RICTOR: variants seen among roughly 807,000 people sequenced by gnomAD.
RICTOR encodes the protein RPTOR independent companion of MTOR complex 2.
A neutral mutation model predicts 214.9 loss-of-function variants in RICTOR; 49 were observed. The ratio of observed to expected loss-of-function variants is 0.23; its 90% confidence interval spans 0.18 to 0.29. RICTOR has a LOEUF of 0.29. Ranked by LOEUF, RICTOR falls within the 10% of genes least tolerant of loss-of-function variation. The pLI, the probability that RICTOR is intolerant of heterozygous loss-of-function variation, is 1.00. For synonymous variants in RICTOR, 717 were observed against 711.3 expected (o/e 1.01, Z -0.13); for missense variants, 1,625 against 2,047.0 (o/e 0.79, Z 3.98).
At chr5:39,050,406 G>A (rs572720814) in intron 2 of RICTOR, among the ~76,000 whole-genome samples, 7 of 151,660 alleles carry the variant, frequency 4.6e-5, no homozygotes, top group Admixed American at 4.6e-4. Context: ...GCACAATCTC[G>A]GCTCACTGTA....
At chr5:38,998,752 C>T (rs569916017) in intron 5 of RICTOR, among the ~76,000 whole-genome samples, 74 of 152,164 alleles carry the variant, frequency 4.9e-4, no homozygotes, top group South Asian at 4.1e-4. Context: ...CGGTGGCTCA[C>T]GCCTGTAATC....
chr5:38,968,074 C>T (rs747184751), intron 11 of RICTOR, 44 bp from the exon 12 acceptor site: 1 of 1,120,716 alleles, frequency 8.9e-7, no homozygotes, highest in East Asian at 2.4e-5. Flanking sequence ...TTATGAAACA[C>T]TTTTAAGATT....
intron 32 of RICTOR, 129 bp downstream of exon 32, chr5:38,947,135 A>G (rs1748299750): frequency 1.5e-6 from 1 of 652,250 alleles, no homozygotes; most frequent in African/African-American, 1.8e-5. Flanking sequence ...TCTTTAAACA[A>G]AACGGTCTTA....
chr5:38,985,241 A>G (rs1752074031), intron 7 of RICTOR, among the ~76,000 whole-genome samples: 1 of 152,230 alleles, frequency 6.6e-6, no homozygotes, highest in African/African-American at 2.4e-5. Context: ...ATAAAATGGC[A>G]TAGTATTTAC....
At chr5:39,023,423 A>G (rs1411291972) in intron 2 of RICTOR, among the ~76,000 whole-genome samples, 1 of 152,212 alleles carries the variant, frequency 6.6e-6, no homozygotes, top group Non-Finnish European at 1.5e-5. Context: ...TCTTTAAAGT[A>G]ATGAAACAAA....
At chr5:39,064,468 G>A (rs750730140) in intron 2 of RICTOR, among the ~76,000 whole-genome samples, 1 of 152,116 alleles carries the variant, frequency 6.6e-6, no homozygotes, top group African/African-American at 2.4e-5. Context: ...CCAATATAAA[G>A]TATTTAGATT....
chr5:38,966,929 T>C, intron 14 of RICTOR: 1 of 593,522 alleles, frequency 1.7e-6, no homozygotes, highest in Non-Finnish European at 3.0e-6. Context: ...GCCTCCTGAG[T>C]AGCTGGGACT....
intron 2 of RICTOR, among the ~76,000 whole-genome samples, chr5:39,067,721 G>A (rs182470820): frequency 6.0e-4 from 91 of 152,208 alleles, no homozygotes; most frequent in African/African-American, 2.0e-3. Flanking sequence ...ATATAATCAC[G>A]TGAAATTCAA....
chr5:38,959,126 A>G, intron 22 of RICTOR, 69 bp downstream of exon 22: 1 of 1,230,818 alleles, frequency 8.1e-7, no homozygotes. Flanking sequence ...AATTTTACTT[A>G]GCCCAAAATT....
intron 2 of RICTOR, among the ~76,000 whole-genome samples, chr5:39,070,097 C>T (rs1440399991): frequency 2.0e-5 from 3 of 152,170 alleles, no homozygotes; most frequent in Admixed American, 6.5e-5. Context: ...AATGTTCAGT[C>T]AATGTCCATT....
intron 2 of RICTOR, 51 bp downstream of exon 2, chr5:39,074,060 G>T: frequency 9.7e-6 from 14 of 1,441,798 alleles, no homozygotes; most frequent in Non-Finnish European, 1.3e-5. Flanking sequence ...CCCCGGACCC[G>T]GCTCCTCCCC....
rs1561502342 is a variant in RICTOR, at chr5:38,990,703, A to ATATATAT, written c.583+245_583+246insATATATA. 9.2e-5 allele frequency among the ~76,000 whole-genome samples: 9 copies of ATATATAT among 98,318 alleles called. 2 individuals carry two copies. The highest frequency in any genetic ancestry group is 3.0e-4 in the South Asian group (1 of 3,322). The allele number at this position is 98,318 out of a possible 152,430, so 64.5% of individuals were successfully genotyped here. A position where few individuals can be genotyped will look rare whatever the true frequency, so the allele number is the denominator to read the frequency against. ...ATATATCATATATATGATATATATC[A>ATATATAT]GATATGATATATATGATATATATCA... On this transcript the variant is annotated intron_variant, in intron 7 of 37. Transcript: ENST00000357387.
intron 18 of RICTOR, 41 bp from the exon 19 acceptor site, chr5:38,962,402 A>C: frequency 8.6e-7 from 1 of 1,167,692 alleles, no homozygotes. Context: ...TGTACTTATC[A>C]ATTCTCACAC....
chr5:38,958,337 G>C, intron 24 of RICTOR, 106 bp downstream of exon 24: 1 of 697,722 alleles, frequency 1.4e-6, no homozygotes, highest in East Asian at 2.7e-5. Flanking sequence ...AATATTAAAA[G>C]GTAAACTCTT....
intron 17 of RICTOR, 41 bp from the exon 18 acceptor site, chr5:38,962,627 T>A (rs775774250): frequency 1.8e-6 from 2 of 1,109,496 alleles, no homozygotes; most frequent in Non-Finnish European, 2.6e-6. Flanking sequence ...TAAGGCAAAC[T>A]GTCCTCATAT....
intron 15 of RICTOR, among the ~76,000 whole-genome samples, chr5:38,965,874 C>T (rs1048915199): frequency 3.3e-5 from 5 of 152,036 alleles, no homozygotes; most frequent in Admixed American, 2.0e-4. Flanking sequence ...CAAACTGTGA[C>T]ATAATTTCAA....
chr5:39,064,923 T>G (rs116746347), intron 2 of RICTOR, among the ~76,000 whole-genome samples: 1 of 152,158 alleles, frequency 6.6e-6, no homozygotes, highest in Non-Finnish European at 1.5e-5. Context: ...GTGAGGAAAT[T>G]GAAGCCAGAG....
At chr5:38,961,676 T>G (rs1263124868) in intron 19 of RICTOR, among the ~76,000 whole-genome samples, 1 of 152,126 alleles carries the variant, frequency 6.6e-6, no homozygotes, top group Non-Finnish European at 1.5e-5. Context: ...ATAAGTTATC[T>G]TTATTTCTTA....
Position 39,074,398 on chromosome 5 carries a change from A to C in RICTOR, c.-21T>G. On this transcript the variant is annotated 5_prime_UTR_variant, in exon 1 of 38. Coordinates refer to ENST00000357387, the MANE Select transcript of RICTOR (RefSeq NM_152756.5). ...GCCATATTGACGGGTTTCAGTCACA[A>C]CACCGGAAACCTCGCCCAATCGCGC... is the stretch of plus-strand genomic sequence containing the variant. 1 of 1,529,106 alleles carries C rather than the reference A, an allele frequency of 6.5e-7. No individual in the cohort carries two copies. Among genetic ancestry groups the C allele is most frequent in the Non-Finnish European group, 8.8e-7 (1 of 1,136,716 alleles). The allele number at this position is 1,529,106 out of a possible 1,614,324, so 94.7% of individuals were successfully genotyped here.
Sources: allele counts gnomAD v4.1 joint callset (sites outside exome capture counted in the v4.1 genomes callset), GRCh38; gene constraint gnomAD v4.1.1; transcripts MANE v1.5; gene names NCBI Gene and HGNC (gene_info 2026-07-23, HGNC 2026-07-21).